The following DOCK10 variants were observed in gnomAD, a reference collection of about 807,000 sequenced individuals.
The protein encoded by DOCK10 is dedicator of cytokinesis 10, also known as dedicator of cytokinesis protein 10.
A neutral mutation model predicts 280.1 loss-of-function variants in DOCK10; 145 were observed. The observed-to-expected ratio is 0.52, with a 90% CI of 0.45 to 0.59. The LOEUF (loss-of-function observed/expected upper bound fraction) is 0.59, where lower values mean the gene tolerates loss of function less well. Ranked by LOEUF, DOCK10 falls within the 20% of genes least tolerant of loss-of-function variation. The pLI, the probability that DOCK10 is intolerant of heterozygous loss-of-function variation, is 0.00. For synonymous variants in DOCK10, 915 were observed against 942.2 expected (o/e 0.97, Z 0.53); for missense variants, 2,368 against 2,651.7 (o/e 0.89, Z 2.35).
chr2:224,776,992 C>T (rs969695235), intron 51 of DOCK10, among the ~76,000 whole-genome samples: 5 of 152,168 alleles, frequency 3.3e-5, no homozygotes, highest in African/African-American at 1.2e-4. Context: ...TTGCACAGGT[C>T]CTTCTCTTCT....
chr2:224,905,135 G>A (rs544725597), intron 3 of DOCK10, among the ~76,000 whole-genome samples: 1 of 151,848 alleles, frequency 6.6e-6, no homozygotes, highest in South Asian at 2.1e-4. Context: ...TATACTCATT[G>A]GATCTTATTG....
chr2:224,785,935 G>A (rs182643281), intron 50 of DOCK10, among the ~76,000 whole-genome samples: 108 of 152,280 alleles, frequency 7.1e-4, no homozygotes, highest in African/African-American at 2.3e-3. Flanking sequence ...GGTGGCTCAC[G>A]CCTGTAATCC....
At chr2:225,002,816 G>A (rs1706474277) in intron 1 of DOCK10, among the ~76,000 whole-genome samples, 1 of 151,436 alleles carries the variant, frequency 6.6e-6, no homozygotes, top group Non-Finnish European at 1.5e-5. Context: ...TGCATGATCG[G>A]GCAGGTGTAA....
intron 1 of DOCK10, among the ~76,000 whole-genome samples, chr2:225,036,321 A>G (rs1690259576): frequency 6.6e-6 from 1 of 152,230 alleles, no homozygotes; most frequent in Non-Finnish European, 1.5e-5. Flanking sequence ...CCATTTAACA[A>G]TGAACTAAAT....
chr2:224,926,564 G>C (rs1018268383), intron 2 of DOCK10, among the ~76,000 whole-genome samples: 1 of 152,208 alleles, frequency 6.6e-6, no homozygotes, highest in African/African-American at 2.4e-5. Flanking sequence ...AGGAAACTAA[G>C]CTTTGCTGAT....
Position 225,042,217 on chromosome 2 carries a change from C to T in DOCK10, c.123+35G>A, listed in dbSNP as rs1478349139. 2 of 1,237,722 alleles carry T rather than the reference C, an allele frequency of 1.6e-6. No individual in the cohort carries two copies. The highest frequency in any genetic ancestry group is 3.3e-5 in the East Asian group (1 of 30,666). 76.7% of individuals were successfully genotyped at this position (1,237,722 alleles called of 1,614,324 possible). A position where few individuals can be genotyped will look rare whatever the true frequency, so the allele number is the denominator to read the frequency against. ...CTCCGTTCCCCCCGGGCGCCTGGGGCGCGCGGGAAGGCGCGGAGGACGCGC... is the reference window on the plus strand; with the variant it reads ...CTCCGTTCCCCCCGGGCGCCTGGGGTGCGCGGGAAGGCGCGGAGGACGCGC... On this transcript the variant is annotated intron_variant, in intron 1 of 55. Transcript: ENST00000258390. The surrounding 1 kb of genome is among the most constrained non-coding windows in gnomAD (Gnocchi z 5.1).
intron 1 of DOCK10, among the ~76,000 whole-genome samples, chr2:225,002,492 T>C (rs1706465743): frequency 6.6e-6 from 1 of 152,198 alleles, no homozygotes; most frequent in Non-Finnish European, 1.5e-5. Context: ...CCTTTATTGA[T>C]AGATAAGTCA....
chr2:224,799,649 T>C (rs746999260), intron 41 of DOCK10, among the ~76,000 whole-genome samples: 12 of 152,228 alleles, frequency 7.9e-5, no homozygotes, highest in Admixed American at 2.6e-4. Context: ...TAAATAGGAG[T>C]TCTAGTTTCT....
At chr2:225,032,958 A>G (rs1360239478) in intron 1 of DOCK10, among the ~76,000 whole-genome samples, 1 of 152,146 alleles carries the variant, frequency 6.6e-6, no homozygotes, top group Non-Finnish European at 1.5e-5. Context: ...ATGAAGAAAA[A>G]TCTCATTGTG....
In DOCK10 at chr2:224,798,716, C is replaced by G. The variant is rs147494761; in HGVS notation, c.4507-747G>C. Reference sequence around the variant, plus strand: ...GCACCATCATAGCTCACGGCAGCCTCCACTTCCAGGGCTCCAGTGATCCTC... The same window carrying G: ...GCACCATCATAGCTCACGGCAGCCTGCACTTCCAGGGCTCCAGTGATCCTC... On this transcript the variant is annotated intron_variant, in intron 41 of 55. Coordinates refer to ENST00000258390, the MANE Select transcript of DOCK10 (RefSeq NM_014689.3). Among the ~76,000 whole-genome samples, 19 of 151,832 alleles carry G rather than the reference C, an allele frequency of 1.3e-4. No homozygotes were observed. The East Asian group carries it at 3.7e-3, about 30-fold the overall frequency.
chr2:225,030,565 C>G (rs576150862), intron 1 of DOCK10, among the ~76,000 whole-genome samples: 5 of 152,272 alleles, frequency 3.3e-5, no homozygotes, highest in Admixed American at 3.3e-4. Context: ...GGCAGTGAGG[C>G]CTGCGTGTGC....
intron 19 of DOCK10, among the ~76,000 whole-genome samples, chr2:224,846,059 A>G (rs2125500394): frequency 6.6e-6 from 1 of 152,362 alleles, no homozygotes; most frequent in Non-Finnish European, 1.5e-5. Context: ...GTCCATGTTT[A>G]ATAGTGCTGG....
In DOCK10 at chr2:224,960,730, C is replaced by CTTTTTTTTT. The variant is rs71281764; in HGVS notation, c.124-29071_124-29063dup. 1.3e-4 allele frequency among the ~76,000 whole-genome samples: 9 copies of CTTTTTTTTT among 70,258 alleles called. 1 individual carries two copies. Among genetic ancestry groups the CTTTTTTTTT allele is most frequent in the African/African-American group, 4.3e-4 (8 of 18,488 alleles). 46.1% of individuals were successfully genotyped at this position (70,258 alleles called of 152,430 possible). On this transcript the variant is annotated intron_variant, in intron 1 of 55. Transcript: ENST00000258390. The stretch of plus-strand genomic sequence containing the variant: ...TGCACAATGAACGCATCACCAAATT[C>CTTTTTTTTT]TTTTTTTTTTTTTTTTTTTTTTTTT...
At chr2:224,932,112 T>C (rs76425336) in intron 1 of DOCK10, among the ~76,000 whole-genome samples, 2,546 of 152,284 alleles carry the variant, frequency 0.017, 68 homozygotes, top group African/African-American at 0.059. Flanking sequence ...TTGTTAGCAA[T>C]GAAAGTATCA....
chr2:224,835,703 G>T (rs1695546568), intron 25 of DOCK10, among the ~76,000 whole-genome samples: 1 of 152,188 alleles, frequency 6.6e-6, no homozygotes. Flanking sequence ...CTAGAATCTA[G>T]TCTCTTACTT....
At chr2:224,771,928 T>A (rs1248876380) in intron 53 of DOCK10, among the ~76,000 whole-genome samples, 2 of 151,846 alleles carry the variant, frequency 1.3e-5, no homozygotes, top group African/African-American at 4.8e-5. Context: ...TTTTTTTTTT[T>A]TTTATTTTTT....
chr2:224,870,456 A>C (rs570348497), intron 11 of DOCK10, among the ~76,000 whole-genome samples: 1 of 152,300 alleles, frequency 6.6e-6, no homozygotes, highest in East Asian at 1.9e-4. Context: ...GATTACTCCT[A>C]ACACTTTGCA....
At chr2:225,013,356 T>C (rs1481377358) in intron 1 of DOCK10, among the ~76,000 whole-genome samples, 1 of 152,182 alleles carries the variant, frequency 6.6e-6, no homozygotes, top group African/African-American at 2.4e-5. Context: ...GTACATCCAC[T>C]GGTGCTTGTA....
intron 1 of DOCK10, among the ~76,000 whole-genome samples, chr2:225,027,222 G>A (rs550679997): frequency 4.1e-4 from 63 of 152,144 alleles, no homozygotes; most frequent in Non-Finnish European, 7.3e-4. Flanking sequence ...TGCACACCCA[G>A]ACCAGGCCCC....
Sources: gnomAD v4.1 joint callset for allele counts (sites outside exome capture counted in the v4.1 genomes callset) on GRCh38, gnomAD v4.1.1 for gene constraint, Gnocchi (gnomAD v3.1) non-coding constraint, MANE v1.5 for transcripts, NCBI Gene and HGNC (gene_info 2026-07-23, HGNC 2026-07-21) for gene names.